Variants in STOX2 observed in about 807,000 individuals in gnomAD.
STOX2 encodes storkhead-box protein 2.
STOX2 carries 28 observed loss-of-function variants against 60.9 expected under a neutral mutation model. The ratio of observed to expected loss-of-function variants is 0.46; its 90% CI spans 0.34 to 0.63. The LOEUF (loss-of-function observed/expected upper bound fraction) is 0.63. STOX2 is among the 30% of genes least tolerant of loss of function. STOX2 has a pLI of 0.01. For synonymous variants in STOX2, 472 were observed against 463.9 expected (o/e 1.02, Z -0.22); for missense variants, 1,024 against 1,187.7 (o/e 0.86, Z 2.03).
rs758531929 is a variant in STOX2, at chr4:184,001,487, C to T, written c.319+10C>T. 3.5e-5 allele frequency: 56 copies of T among 1,612,934 alleles called. No homozygotes were observed. In the East Asian group the frequency reaches 9.4e-4, roughly 27 times the overall value. On this transcript the variant is annotated intron_variant, in intron 2 of 3. Transcript: ENST00000308497. The surrounding 1 kb of genome is among the most constrained non-coding windows in gnomAD (Gnocchi z 4.2). ...ACCACGTGCTTCCCAGGTAACGAGG[C>T]GGGAACGTAGCACTTTCCAGGTGGC...
intron 1 of STOX2, among the ~76,000 whole-genome samples, chr4:183,926,623 GT>G (rs71591608): frequency 0.064 from 9,382 of 146,348 alleles, 347 homozygotes; most frequent in South Asian, 0.13. Flanking sequence ...GCAAAAGTGG[GT>G]TTTTTTTTTT....
chr4:184,005,383 C>T (rs200426594), intron 2 of STOX2, among the ~76,000 whole-genome samples: 1 of 149,798 alleles, frequency 6.7e-6, no homozygotes, highest in African/African-American at 2.5e-5. Context: ...CACTTGAACC[C>T]GGAGGTGGAG....
In STOX2 at chr4:183,906,134, T is replaced by G. The variant is rs1276761906; in HGVS notation, c.-657T>G. ...CACGCGCCCCCCGCTCGAGCCTCTG[T>G]GATGAAGACTGTCTCCCGGGGACTG... is the stretch of plus-strand genomic sequence containing the variant. On this transcript the variant is annotated 5_prime_UTR_variant, in exon 1 of 4. Transcript: ENST00000308497. 6.6e-6 allele frequency: 1 copy of G among 152,092 alleles called. No individual in the cohort carries two copies. Among genetic ancestry groups the G allele is most frequent in the Non-Finnish European group, 1.5e-5 (1 of 68,036 alleles). The allele number at this position is 152,092 out of a possible 1,614,324, so 9.4% of individuals were successfully genotyped here.
At position 183,856,902 on chromosome 4, in the gene STOX2, G is replaced by C. The variant is rs1271863744; in HGVS notation, c.364+58847G>C. ...AGAATTTACTTTGGAAAGTCCTGGA[G>C]ATTTGGTCTGTGGCATCTGACTGAG... On this transcript the variant is annotated intron_variant, in intron 1 of 2. Coordinates refer to the STOX2 transcript ENST00000513034. The surrounding 1 kb of genome is among the most constrained non-coding windows in gnomAD (Gnocchi z 4.0). Among the ~76,000 whole-genome samples, 1 of 152,196 alleles carries C rather than the reference G, an allele frequency of 6.6e-6. No homozygotes were observed. The highest frequency in any genetic ancestry group is 2.4e-5 in the African/African-American group (1 of 41,446).
intron 1 of STOX2, among the ~76,000 whole-genome samples, chr4:183,913,313 A>C (rs555727813): frequency 6.6e-6 from 1 of 152,274 alleles, no homozygotes; most frequent in South Asian, 2.1e-4. Flanking sequence ...TAGGTAACAC[A>C]TTTGTGATTT....
intron 1 of STOX2, among the ~76,000 whole-genome samples, chr4:183,979,731 T>A (rs541916395): frequency 1.3e-5 from 2 of 152,308 alleles, no homozygotes; most frequent in East Asian, 1.9e-4. Context: ...CTGCCCTAAG[T>A]TCTTCTAATC....
intron 1 of STOX2, among the ~76,000 whole-genome samples, chr4:183,801,234 A>G (rs536618795): frequency 6.6e-6 from 1 of 152,298 alleles, no homozygotes; most frequent in South Asian, 2.1e-4. Context: ...ACCTACTAGA[A>G]TTTGCAAGTC....
At chr4:183,959,663 G>T (rs1473505132) in intron 1 of STOX2, among the ~76,000 whole-genome samples, 1 of 152,130 alleles carries the variant, frequency 6.6e-6, no homozygotes, top group African/African-American at 2.4e-5. Context: ...GGGTAGAGCT[G>T]TTTTACATCA....
intron 1 of STOX2, among the ~76,000 whole-genome samples, chr4:183,907,354 G>A (rs1245988533): frequency 2.6e-5 from 4 of 152,198 alleles, no homozygotes; most frequent in African/African-American, 9.7e-5. Flanking sequence ...GCAGCCCCCT[G>A]TTCTCCAAAA....
intron 1 of STOX2, among the ~76,000 whole-genome samples, chr4:183,959,542 G>GT (rs1177586191): frequency 6.6e-6 from 1 of 152,178 alleles, no homozygotes; most frequent in Non-Finnish European, 1.5e-5. Context: ...TTGCGGGCAT[G>GT]CTTTTTACCA....
intron 1 of STOX2, among the ~76,000 whole-genome samples, chr4:183,892,812 G>C (rs1343274171): frequency 6.9e-6 from 1 of 145,808 alleles, no homozygotes; most frequent in East Asian, 2.0e-4. Context: ...TATCACACGA[G>C]CAACTGTTAC....
intron 1 of STOX2, among the ~76,000 whole-genome samples, chr4:183,880,348 A>C (rs574552610): frequency 6.6e-6 from 1 of 152,328 alleles, no homozygotes; most frequent in African/African-American, 2.4e-5. Flanking sequence ...CAGATTTAAA[A>C]GTCTTCTTTT....
rs951437083 is a variant in STOX2 at position 183,821,843 on chromosome 4, G to A, written c.364+23788G>A. Among the ~76,000 whole-genome samples the A allele has an allele frequency of 6.6e-6, 1 of 152,236 alleles. No homozygotes were observed. The highest frequency in any genetic ancestry group is 1.5e-5 in the Non-Finnish European group (1 of 68,040). ...TCTGACCCCTGCCCCAGGTTTGTGA[G>A]TCTGTAGGGTGGGGTTCTAGTCACA... On this transcript the variant is annotated intron_variant, in intron 1 of 2. Transcript: ENST00000513034. The surrounding 1 kb of genome is among the most constrained non-coding windows in gnomAD (Gnocchi z 4.2).
chr4:183,815,171 T>C (rs574084502), intron 1 of STOX2, among the ~76,000 whole-genome samples: 4 of 151,744 alleles, frequency 2.6e-5, no homozygotes, highest in East Asian at 1.9e-4. Flanking sequence ...TTTTTTTTTT[T>C]ATTTTAATAG....
At chr4:184,008,545 C>T (rs934884518) in intron 2 of STOX2, among the ~76,000 whole-genome samples, 4 of 152,282 alleles carry the variant, frequency 2.6e-5, no homozygotes, top group African/African-American at 7.2e-5. Flanking sequence ...GAATTTTACC[C>T]GGGCTGCAGT....
chr4:183,966,468 A>G (rs563869445), intron 1 of STOX2, among the ~76,000 whole-genome samples: 3 of 152,350 alleles, frequency 2.0e-5, no homozygotes, highest in Admixed American at 2.0e-4. Flanking sequence ...CATTTGATGG[A>G]CAGATGGACG....
rs3042606 is a variant in STOX2 at position 183,970,139 on chromosome 4, CGTGT to C, written c.167-31146_167-31143del. Among the ~76,000 whole-genome samples, 152 of 126,980 alleles carry C rather than the reference CGTGT, an allele frequency of 1.2e-3. 1 individual carries two copies. The highest frequency in any genetic ancestry group is 4.1e-3 in the African/African-American group (123 of 29,800). The allele number at this position is 126,980 out of a possible 152,430, so 83.3% of individuals were successfully genotyped here. Reference sequence around the variant, plus strand: ...CAATCTCAGTCTATAACTACATGTACGTGTGTGTGTGTGTGTGTGTGTGTGTGTG... The same window carrying C: ...CAATCTCAGTCTATAACTACATGTACGTGTGTGTGTGTGTGTGTGTGTGTG... On this transcript the variant is annotated intron_variant, in intron 1 of 3. Transcript: ENST00000308497.
chr4:184,011,097 C>G lies in STOX2; in HGVS notation c.2259C>G (p.Ala753=). 1 of 1,594,938 alleles carries G rather than the reference C, an allele frequency of 6.3e-7. No homozygotes were observed. The highest frequency in any genetic ancestry group is 8.5e-7 in the Non-Finnish European group (1 of 1,171,694). ...CCCTGGGGACCTCGGCGGCACAAGC[C>G]ATGCCTGCTTCCCAGCGTCAGCAGG... The part of the protein sequence containing the change: ...EPSLGTSAAQ[A]MPASQRQQES... Residue 753 remains alanine (A), a synonymous_variant, in exon 3 of 4, where the codon GCC becomes GCG. Coordinates refer to ENST00000308497, the MANE Select transcript of STOX2 (RefSeq NM_020225.3). The surrounding 1 kb of genome is among the most constrained non-coding windows in gnomAD (Gnocchi z 4.4).
At chr4:183,818,256 T>C (rs1224049206) in intron 1 of STOX2, among the ~76,000 whole-genome samples, 6 of 152,016 alleles carry the variant, frequency 3.9e-5, no homozygotes, top group Non-Finnish European at 8.8e-5. Flanking sequence ...TTCCTCAGTG[T>C]TTGTGTCCCT....
Sources: gnomAD v4.1 joint callset for allele counts (sites outside exome capture counted in the v4.1 genomes callset) on GRCh38, gnomAD v4.1.1 for gene constraint, Gnocchi (gnomAD v3.1) non-coding constraint, MANE v1.5 for transcripts, NCBI Gene and HGNC (gene_info 2026-07-23, HGNC 2026-07-21) for gene names.